MYOM1: variants seen among roughly 807,000 people sequenced by gnomAD.
The protein encoded by MYOM1 is myomesin 1.
A neutral mutation model predicts 205.3 loss-of-function variants in MYOM1; 164 were observed. The observed-to-expected ratio is 0.80, with a 90% CI of 0.70 to 0.91. The LOEUF (loss-of-function observed/expected upper bound fraction) is 0.91, where lower values mean the gene tolerates loss of function less well. Among genes scored for constraint, MYOM1 ranks in the 40% least tolerant of loss-of-function variants. The probability of loss-of-function intolerance (pLI) is 0.00; values close to 1 mark genes in which losing one functional copy is unlikely to be tolerated. For synonymous variants in MYOM1, 772 were observed against 789.4 expected (o/e 0.98, Z 0.37); for missense variants, 2,011 against 2,127.3 (o/e 0.95, Z 1.08).
chr18:3,188,910 TGTGGACTGCTTGGATGCC>T lies in MYOM1; in HGVS notation c.591_608del (p.Lys206_Ser211del), dbSNP rs756963726. 2.5e-5 allele frequency: 41 copies of T among 1,609,094 alleles called. No individual in the cohort carries two copies. Among genetic ancestry groups the T allele is most frequent in the Non-Finnish European group, 3.1e-5 (37 of 1,177,168 alleles). ...TGGATGCCGTGGACTGCTTGGATGC[TGTGGACTGCTTGGATGCC>T]GTGGACTGCTTAGATGCCGTGGTCT... On this transcript the variant is annotated inframe_deletion, in exon 4 of 38. Transcript: ENST00000356443.
chr18:3,184,243 T>C (rs558186946), intron 5 of MYOM1, among the ~76,000 whole-genome samples: 27 of 152,234 alleles, frequency 1.8e-4, no homozygotes, highest in African/African-American at 6.3e-4. Context: ...CAGGAATATA[T>C]ACTAATCCTA....
At chr18:3,193,520 T>C (rs985163063) in intron 3 of MYOM1, among the ~76,000 whole-genome samples, 1 of 152,102 alleles carries the variant, frequency 6.6e-6, no homozygotes, top group Admixed American at 6.6e-5. Flanking sequence ...CTGATCATTC[T>C]TGTTTGTCAT....
rs549611552 is a variant in MYOM1 at position 3,079,568 on chromosome 18, C to T, written c.4485-226G>A. Among the ~76,000 whole-genome samples, 5 of 151,972 alleles carry T rather than the reference C, an allele frequency of 3.3e-5. No homozygotes were observed. In the South Asian group the frequency reaches 1.0e-3, roughly 32 times the overall value. On this transcript the variant is annotated intron_variant, in intron 33 of 37. Transcript: ENST00000356443. ...CTGAACATTTATTTGTTAATAACTC[C>T]TCATAGCAGTCTGAGGCCCAGTGCA...
intron 27 of MYOM1, 141 bp downstream of exon 27, chr18:3,090,517 G>A: frequency 8.7e-7 from 1 of 1,153,312 alleles, no homozygotes; most frequent in East Asian, 2.4e-5. Flanking sequence ...ACCGCGCCCA[G>A]CTGAAAATTG....
rs566363929 is a variant in MYOM1 at position 3,209,462 on chromosome 18, C to T, written c.290+5472G>A. 1.5e-4 allele frequency among the ~76,000 whole-genome samples: 23 copies of T among 152,336 alleles called. No individual in the cohort carries two copies. The East Asian group carries it at 4.1e-3, about 27-fold the overall frequency. On this transcript the variant is annotated intron_variant, in intron 2 of 37. Transcript: ENST00000356443. This position sits in a 1 kb window ranked among gnomAD's most constrained non-coding sequence, Gnocchi z 4.0. ...CTGTTACCACTGAGTCAGAGCATGTCGCTATTCTGCTCAAAACTGTCATGG... is the reference window on the plus strand; with the variant it reads ...CTGTTACCACTGAGTCAGAGCATGTTGCTATTCTGCTCAAAACTGTCATGG...
intron 22 of MYOM1, 100 bp downstream of exon 22, chr18:3,112,198 T>G: frequency 6.8e-6 from 6 of 882,156 alleles, no homozygotes; most frequent in Non-Finnish European, 1.1e-5. Flanking sequence ...ATAGCACACA[T>G]TGATTGTTTT....
intron 23 of MYOM1, 30 bp from the exon 24 acceptor site, chr18:3,100,456 G>A (rs1347697042): frequency 1.3e-6 from 2 of 1,534,882 alleles, no homozygotes; most frequent in Non-Finnish European, 1.8e-6. Context: ...TCTTAGAAAT[G>A]AGGCTGTGTG....
At chr18:3,092,140 T>A (rs2079234579) in intron 26 of MYOM1, among the ~76,000 whole-genome samples, 1 of 152,158 alleles carries the variant, frequency 6.6e-6, no homozygotes, top group Non-Finnish European at 1.5e-5. Flanking sequence ...TGGTATATAG[T>A]AGTCAATTAA....
At chr18:3,083,736 G>A (rs1375619390) in intron 33 of MYOM1, 53 bp downstream of exon 33, 16 of 1,419,514 alleles carry the variant, frequency 1.1e-5, no homozygotes, top group Non-Finnish European at 1.4e-5. Flanking sequence ...GTGAGCTGCC[G>A]CGCCTGGCAG....
chr18:3,227,771 G>A, the MYOM1 span, among the ~76,000 whole-genome samples: 3 of 151,936 alleles, frequency 2.0e-5, no homozygotes, highest in Non-Finnish European at 4.4e-5. Flanking sequence ...GTGAGCCATC[G>A]AGCCACTGCA....
chr18:3,148,773 GA>G (rs1298144329), intron 13 of MYOM1, among the ~76,000 whole-genome samples: 2 of 148,640 alleles, frequency 1.3e-5, no homozygotes, highest in African/African-American at 5.0e-5. Flanking sequence ...GTGAACCCGG[GA>G]GGCGGAGCTT....
intron 2 of MYOM1, among the ~76,000 whole-genome samples, chr18:3,204,121 T>G (rs1251716330): frequency 6.6e-6 from 1 of 151,602 alleles, no homozygotes; most frequent in Non-Finnish European, 1.5e-5. Context: ...ATAAAGGCCA[T>G]CTACGAAAAA....
intron 9 of MYOM1, among the ~76,000 whole-genome samples, chr18:3,167,942 T>C (rs1015618107): frequency 4.6e-5 from 7 of 152,338 alleles, no homozygotes; most frequent in African/African-American, 1.7e-4. Context: ...TCAGAGGAAC[T>C]GACAATGGAA....
intron 18 of MYOM1, among the ~76,000 whole-genome samples, chr18:3,127,533 T>C (rs2079813104): frequency 6.6e-6 from 1 of 151,842 alleles, no homozygotes; most frequent in African/African-American, 2.4e-5. Context: ...GGTCTCGAAC[T>C]CCTGACCTTA....
intron 25 of MYOM1, among the ~76,000 whole-genome samples, chr18:3,099,919 C>T (rs968502404): frequency 3.3e-5 from 5 of 152,188 alleles, no homozygotes; most frequent in Admixed American, 2.0e-4. Context: ...CCTGACACTT[C>T]GCCATGTAAT....
At chr18:3,090,217 ATTTT>A (rs71159040) in intron 27 of MYOM1, among the ~76,000 whole-genome samples, 1 of 124,634 alleles carries the variant, frequency 8.0e-6, no homozygotes. Flanking sequence ...TGAAAACTGT[ATTTT>A]TTTTTTTTTT....
chr18:3,171,677 G>C (rs1419215549), intron 8 of MYOM1, among the ~76,000 whole-genome samples: 3 of 151,996 alleles, frequency 2.0e-5, no homozygotes, highest in Non-Finnish European at 2.9e-5. Context: ...AATGGTTTTT[G>C]CATGTTTTAG....
chr18:3,217,180 C>G (rs935198193), intron 1 of MYOM1: 1 of 152,332 alleles, frequency 6.6e-6, no homozygotes, highest in South Asian at 2.1e-4. Context: ...CCACCCAGTC[C>G]ATGGCGCTTA....
intron 14 of MYOM1, among the ~76,000 whole-genome samples, chr18:3,137,363 A>G (rs185422027): frequency 3.9e-5 from 6 of 152,330 alleles, no homozygotes; most frequent in African/African-American, 1.2e-4. Context: ...TCAAGGAGAT[A>G]TCTGTACTCC....
Sources: allele counts gnomAD v4.1 joint callset (sites outside exome capture counted in the v4.1 genomes callset), GRCh38; gene constraint gnomAD v4.1.1; non-coding constraint Gnocchi (gnomAD v3.1); transcripts MANE v1.5; gene names NCBI Gene and HGNC (gene_info 2026-07-23, HGNC 2026-07-21).